CCND2: variants seen among roughly 807,000 people sequenced by gnomAD.
CCND2 encodes G1/S-specific cyclin-D2.
Under a neutral mutation model 30.2 loss-of-function variants are expected in CCND2, and 6 were observed. That is an observed-to-expected ratio of 0.20 (90% CI 0.11 to 0.39). The LOEUF (loss-of-function observed/expected upper bound fraction) is 0.39, where lower values mean the gene tolerates loss of function less well. Ranked by LOEUF, CCND2 falls within the 10% of genes least tolerant of loss-of-function variation. The pLI is 1.00. For missense variants in CCND2, 235 were observed against 373.4 expected, an observed-to-expected ratio of 0.63 and a Z score of 3.06; for synonymous variants, 150 against 153.1, an observed-to-expected ratio of 0.98 and a Z score of 0.15.
intron 3 of CCND2, among the ~76,000 whole-genome samples, chr12:4,283,361 C>T (rs1863978749): frequency 6.6e-6 from 1 of 152,156 alleles, no homozygotes; most frequent in South Asian, 2.1e-4. Flanking sequence ...CTCCCACTTC[C>T]GACGTGAAAG....
chr12:4,283,201 C>G (rs1168541992), intron 3 of CCND2, among the ~76,000 whole-genome samples: 2 of 152,186 alleles, frequency 1.3e-5, no homozygotes, highest in Non-Finnish European at 2.9e-5. Flanking sequence ...TTCTCAGGGC[C>G]CATGCCCAGG....
intron 4 of CCND2, 33 bp downstream of exon 4, chr12:4,289,023 G>T (rs2120561125): frequency 1.3e-6 from 2 of 1,583,260 alleles, no homozygotes; most frequent in Non-Finnish European, 1.7e-6. Context: ...GCTAAGTCCA[G>T]ATGTCTCTTC....
chr12:4,301,546 T>TA lies in CCND2; in HGVS notation c.*1543dup, dbSNP rs925659025. On this transcript the variant is annotated 3_prime_UTR_variant, in exon 5 of 5. Transcript: ENST00000261254. ...TTGTTAAAATATTTGCCTTTTTAAG[T>TA]AAAAAAGAAAAATCAGAACAGGGCT... 4.3e-6 allele frequency: 1 copy of TA among 232,584 alleles called. No individual in the cohort carries two copies. The highest frequency in any genetic ancestry group is 8.5e-6 in the Non-Finnish European group (1 of 117,598). The allele number at this position is 232,584 out of a possible 1,614,324, so 14.4% of individuals were successfully genotyped here. A position where few individuals can be genotyped will look rare whatever the true frequency, so the allele number is the denominator to read the frequency against.
In CCND2 at chr12:4,300,421, C is replaced by A; in HGVS notation, c.*412C>A. The stretch of plus-strand genomic sequence containing the variant: ...TAGTATAATTTCAAGGAACTGTGTA[C>A]GCCATTTATGGCATGATTAGATTGC... On this transcript the variant is annotated 3_prime_UTR_variant, in exon 5 of 5. Coordinates refer to ENST00000261254, the MANE Select transcript of CCND2 (RefSeq NM_001759.4). 4.2e-6 allele frequency: 1 copy of A among 238,766 alleles called. No homozygotes were observed. Among genetic ancestry groups the A allele is most frequent in the Non-Finnish European group, 8.2e-6 (1 of 121,342 alleles). 14.8% of individuals were successfully genotyped at this position (238,766 alleles called of 1,614,324 possible). A position where few individuals can be genotyped will look rare whatever the true frequency, so the allele number is the denominator to read the frequency against.
intron 4 of CCND2, among the ~76,000 whole-genome samples, chr12:4,298,696 T>C (rs990396879): frequency 5.3e-5 from 8 of 152,268 alleles, no homozygotes; most frequent in African/African-American, 1.9e-4. Context: ...TTAACATATT[T>C]GCCTTATGTA....
At chr12:4,288,713 G>T (rs1864056376) in intron 3 of CCND2, 129 bp from the exon 4 acceptor site, 2 of 791,494 alleles carry the variant, frequency 2.5e-6, no homozygotes. Flanking sequence ...GGGAGGACAT[G>T]CCTGTAGGGC....
At position 4,275,678 on chromosome 12, in the gene CCND2, T is replaced by TA. The variant is rs1565431383; in HGVS notation, c.196-326dup. On this transcript the variant is annotated intron_variant, in intron 1 of 4. Transcript: ENST00000261254. ...GAAATCCAAAAAAGAGTGAGTGAGT[T>TA]AGAGTGCGCGAAGGAGTAGCCAAAG... Among the ~76,000 whole-genome samples the TA allele has an allele frequency of 2.0e-5, 3 of 151,284 alleles. No individual in the cohort carries two copies. In the South Asian group the frequency reaches 6.3e-4, roughly 32 times the overall value.
In CCND2 at chr12:4,296,456, C is replaced by T. The variant is rs139591445; in HGVS notation, c.721-3404C>T. ...AAAGGAACCGCATCGCTACGCCTAACGGGCATTTCTTTTTTAATGTAATGG... is the reference window on the plus strand; with the variant it reads ...AAAGGAACCGCATCGCTACGCCTAATGGGCATTTCTTTTTTAATGTAATGG... On this transcript the variant is annotated intron_variant, in intron 4 of 4. Transcript: ENST00000261254. 4.8e-3 allele frequency among the ~76,000 whole-genome samples: 737 copies of T among 152,374 alleles called. 7 individuals carry two copies. The highest frequency in any genetic ancestry group is 0.017 in the African/African-American group (700 of 41,590).
chr12:4,279,464 A>G (rs1045105146), intron 3 of CCND2, among the ~76,000 whole-genome samples: 1 of 147,972 alleles, frequency 6.8e-6, no homozygotes, highest in Non-Finnish European at 1.5e-5. Flanking sequence ...TGTTTGCCCC[A>G]CTGGGCGCGG....
chr12:4,274,325 C>T lies in CCND2; in HGVS notation c.195+90C>T. On this transcript the variant is annotated intron_variant, in intron 1 of 4. Coordinates refer to ENST00000261254, the MANE Select transcript of CCND2 (RefSeq NM_001759.4). This position sits in a 1 kb window ranked among gnomAD's most constrained non-coding sequence, Gnocchi z 7.7. ...AGCCCTAAACCTGGGAGAGGGCAAT[C>T]CCCGCGCCGGCCTCCCGGCTCCTGT... 7.2e-7 allele frequency: 1 copy of T among 1,394,086 alleles called. No homozygotes were observed. The highest frequency in any genetic ancestry group is 9.9e-7 in the Non-Finnish European group (1 of 1,007,896). 86.4% of individuals were successfully genotyped at this position (1,394,086 alleles called of 1,614,324 possible). A position where few individuals can be genotyped will look rare whatever the true frequency, so the allele number is the denominator to read the frequency against.
chr12:4,300,800 A>G lies in CCND2; in HGVS notation c.*791A>G, dbSNP rs1864237685. ...GCTATGGGCCATAACCAAAACTCAC[A>G]TGAAACGGAGGCAGATGGAGACCAA... is the stretch of plus-strand genomic sequence containing the variant. On this transcript the variant is annotated 3_prime_UTR_variant, in exon 5 of 5. Coordinates refer to ENST00000261254, the MANE Select transcript of CCND2 (RefSeq NM_001759.4). 8.6e-6 allele frequency: 2 copies of G among 233,760 alleles called. No individual in the cohort carries two copies. Among genetic ancestry groups the G allele is most frequent in the Non-Finnish European group, 1.7e-5 (2 of 118,050 alleles). 14.5% of individuals were successfully genotyped at this position (233,760 alleles called of 1,614,324 possible).
intron 4 of CCND2, among the ~76,000 whole-genome samples, chr12:4,298,536 C>A (rs1864205449): frequency 1.3e-5 from 2 of 152,188 alleles, no homozygotes; most frequent in Non-Finnish European, 2.9e-5. Flanking sequence ...AGCCAATATG[C>A]CTGGCCAGCT....
At chr12:4,284,562 C>G (rs148329422) in intron 3 of CCND2, among the ~76,000 whole-genome samples, 49 of 152,282 alleles carry the variant, frequency 3.2e-4, no homozygotes, top group African/African-American at 1.1e-3. Context: ...CCTCCTGGGT[C>G]TGGTGGGGAC....
rs1287998922 is a variant in CCND2, at chr12:4,299,010, A to T, written c.721-850A>T. Among the ~76,000 whole-genome samples the T allele has an allele frequency of 6.6e-6, 1 of 152,130 alleles. No individual in the cohort carries two copies. The highest frequency in any genetic ancestry group is 1.5e-5 in the Non-Finnish European group (1 of 68,018). ...GAATGTTGTAGACATTCTGCATTAT[A>T]TCTTTATGAGAGTTAAGGAAATGGT... On this transcript the variant is annotated intron_variant, in intron 4 of 4. Transcript: ENST00000261254. This position sits in a 1 kb window ranked among gnomAD's most constrained non-coding sequence, Gnocchi z 5.2.
At position 4,287,331 on chromosome 12, in the gene CCND2, CT is replaced by C. The variant is rs1159956335; in HGVS notation, c.572-1510del. Among the ~76,000 whole-genome samples the C allele has an allele frequency of 1.3e-5, 2 of 152,084 alleles. No homozygotes were observed. Among genetic ancestry groups the C allele is most frequent in the Non-Finnish European group, 2.9e-5 (2 of 68,026 alleles). Reference sequence around the variant, plus strand: ...AATGGGCTGACCATTAAAAGAGCTGCTGTAGAAAGTGTGTTTGTAATAGAGT... The same window carrying C: ...AATGGGCTGACCATTAAAAGAGCTGCGTAGAAAGTGTGTTTGTAATAGAGT... On this transcript the variant is annotated intron_variant, in intron 3 of 4. Coordinates refer to ENST00000261254, the MANE Select transcript of CCND2 (RefSeq NM_001759.4). This position sits in a 1 kb window ranked among gnomAD's most constrained non-coding sequence, Gnocchi z 4.0.
At chr12:4,290,263 A>G (rs925406092) in intron 4 of CCND2, among the ~76,000 whole-genome samples, 6 of 152,162 alleles carry the variant, frequency 3.9e-5, no homozygotes, top group Non-Finnish European at 8.8e-5. Context: ...ATGCTGACGG[A>G]GCAAATCCGG....
chr12:4,286,964 G>C (rs1258519289), intron 3 of CCND2, among the ~76,000 whole-genome samples: 1 of 152,234 alleles, frequency 6.6e-6, no homozygotes, highest in Admixed American at 6.5e-5. Context: ...CTTGTGTTAT[G>C]AATGTCACAG....
In CCND2 at chr12:4,293,903, C is replaced by T. The variant is rs3217886; in HGVS notation, c.720+4913C>T. On this transcript the variant is annotated intron_variant, in intron 4 of 4. Coordinates refer to ENST00000261254, the MANE Select transcript of CCND2 (RefSeq NM_001759.4). The surrounding 1 kb of genome is among the most constrained non-coding windows in gnomAD (Gnocchi z 4.9). ...TGGGGGTGGGGAGGTGGAATAGAAT[C>T]GGGGGCTGATGCCTCCCTCTCCTGC... Among the ~76,000 whole-genome samples the T allele has an allele frequency of 2.9e-3, 435 of 152,204 alleles. 5 individuals carry two copies. The highest frequency in any genetic ancestry group is 9.5e-3 in the African/African-American group (393 of 41,508).
At chr12:4,284,658 A>G (rs1863996200) in intron 3 of CCND2, among the ~76,000 whole-genome samples, 1 of 150,888 alleles carries the variant, frequency 6.6e-6, no homozygotes, top group Non-Finnish European at 1.5e-5. Context: ...AATCCTTCCC[A>G]TCTCCCTGAA....
Sources: allele counts gnomAD v4.1 joint callset (sites outside exome capture counted in the v4.1 genomes callset), GRCh38; gene constraint gnomAD v4.1.1; non-coding constraint Gnocchi (gnomAD v3.1); transcripts MANE v1.5; gene names NCBI Gene and HGNC (gene_info 2026-07-23, HGNC 2026-07-21).